Variants in RREB1 observed in about 807,000 individuals in gnomAD.
RREB1 encodes ras-responsive element-binding protein 1.
RREB1 carries 27 observed loss-of-function variants against 117.8 expected under a neutral mutation model. The ratio of observed to expected loss-of-function variants is 0.23; its 90% CI spans 0.17 to 0.32. The LOEUF (loss-of-function observed/expected upper bound fraction) is 0.32. RREB1 is among the 10% of genes least tolerant of loss of function. The probability of loss-of-function intolerance (pLI) is 1.00; values close to 1 mark genes in which losing one functional copy is unlikely to be tolerated. For missense variants in RREB1, 2,577 were observed against 2,378.2 expected, an observed-to-expected ratio of 1.08 and a Z score of -1.74; for synonymous variants, 1,298 against 1,026.7, an observed-to-expected ratio of 1.26 and a Z score of -5.05.
chr6:7,167,451 T>C (rs1186616973), intron 1 of RREB1, among the ~76,000 whole-genome samples: 1 of 151,562 alleles, frequency 6.6e-6, no homozygotes, highest in Non-Finnish European at 1.5e-5. Context: ...CCTCCTGGGT[T>C]CAAGCAATTC....
intron 1 of RREB1, among the ~76,000 whole-genome samples, chr6:7,119,624 G>A (rs1761577826): frequency 6.6e-6 from 1 of 152,188 alleles, no homozygotes; most frequent in Non-Finnish European, 1.5e-5. Flanking sequence ...GTGTTTGGAG[G>A]AAGACAAGAC....
intron 1 of RREB1, among the ~76,000 whole-genome samples, chr6:7,154,458 T>G (rs1454266588): frequency 6.6e-6 from 1 of 152,212 alleles, no homozygotes; most frequent in Non-Finnish European, 1.5e-5. Context: ...AATAGACACT[T>G]GCTAATGTGA....
rs575136900 is a variant in RREB1, at chr6:7,142,893, A to G, written c.-284-33762A>G. 3.3e-5 allele frequency among the ~76,000 whole-genome samples: 5 copies of G among 152,278 alleles called. No homozygotes were observed. The East Asian group carries it at 9.6e-4, about 29-fold the overall frequency. ...GGGGGATAACTTTTCTCTTCTACAC[A>G]TGCTGGGACCCCTCTCCAGGAGGTT... On this transcript the variant is annotated intron_variant, in intron 1 of 12. Transcript: ENST00000379938.
chr6:7,165,469 C>G (rs1763886692), intron 1 of RREB1, among the ~76,000 whole-genome samples: 1 of 152,172 alleles, frequency 6.6e-6, no homozygotes, highest in African/African-American at 2.4e-5. Flanking sequence ...TTGAAGAATT[C>G]TGAGAAGCAG....
chr6:7,237,956 C>G (rs929138368), intron 10 of RREB1, among the ~76,000 whole-genome samples: 3 of 152,166 alleles, frequency 2.0e-5, no homozygotes, highest in African/African-American at 7.2e-5. Context: ...GCCTGGCAGT[C>G]CTAACCAACT....
intron 1 of RREB1, among the ~76,000 whole-genome samples, chr6:7,175,747 A>C (rs943994685): frequency 1.2e-4 from 19 of 152,204 alleles, no homozygotes; most frequent in African/African-American, 4.6e-4. Flanking sequence ...AGACTTGCTC[A>C]AACTTTTGAA....
intron 6 of RREB1, among the ~76,000 whole-genome samples, chr6:7,205,996 A>G (rs1218593387): frequency 6.6e-6 from 1 of 152,230 alleles, no homozygotes; most frequent in Non-Finnish European, 1.5e-5. Context: ...TCACTGTAAA[A>G]GCCTCTTTGG....
rs145731424 is a variant in RREB1 at position 7,231,467 on chromosome 6, C to T, written c.3368C>T (p.Pro1123Leu). Residue 1123 changes from proline (P) to leucine (L), a missense_variant, in exon 10 of 13, where the codon CCA (proline) becomes CTA (leucine). By Grantham distance (98) the Pro-to-Leu change is moderately conservative. Coordinates refer to ENST00000379938, the MANE Select transcript of RREB1 (RefSeq NM_001003699.4). ...TTATPAATTS[P>L]KESSEPPAPA... ...GCCACCCCCGCTGCCACCACCAGCCCAAAAGAGTCTAGTGAGCCTCCCGCT... is the reference window on the plus strand; with the variant it reads ...GCCACCCCCGCTGCCACCACCAGCCTAAAAGAGTCTAGTGAGCCTCCCGCT... 1.2e-5 allele frequency: 19 copies of T among 1,612,800 alleles called. No homozygotes were observed. The highest frequency in any genetic ancestry group is 1.7e-5 in the Admixed American group (1 of 59,908).
chr6:7,165,088 G>C (rs560400503), intron 1 of RREB1, among the ~76,000 whole-genome samples: 60 of 152,374 alleles, frequency 3.9e-4, no homozygotes, highest in Admixed American at 9.1e-4. Flanking sequence ...CTCACACACA[G>C]AGGCACAAGG....
chr6:7,125,991 G>C (rs1285876), intron 1 of RREB1, among the ~76,000 whole-genome samples: 1 of 147,820 alleles, frequency 6.8e-6, no homozygotes, highest in East Asian at 2.1e-4. Context: ...ACTGTTTTTT[G>C]TTTGTTTGTT....
intron 8 of RREB1, chr6:7,216,753 T>G (rs1342149099): frequency 6.6e-6 from 1 of 152,274 alleles, no homozygotes; most frequent in Admixed American, 6.5e-5. Flanking sequence ...AGTCTGAGGC[T>G]TGGGCAGGCA....
chr6:7,195,775 C>T (rs1022054279), intron 6 of RREB1, among the ~76,000 whole-genome samples: 5 of 152,160 alleles, frequency 3.3e-5, no homozygotes, highest in African/African-American at 1.2e-4. Flanking sequence ...CCTCAGCTTC[C>T]CAGGACACCC....
chr6:7,153,549 T>C (rs1763226179), intron 1 of RREB1, among the ~76,000 whole-genome samples: 1 of 152,182 alleles, frequency 6.6e-6, no homozygotes, highest in Admixed American at 6.5e-5. Context: ...TAAATAATTT[T>C]TTTAGTTAGT....
intron 8 of RREB1, chr6:7,215,749 T>G (rs1457420494): frequency 6.6e-6 from 1 of 152,060 alleles, no homozygotes; most frequent in East Asian, 1.9e-4. Flanking sequence ...AATAGAAAAA[T>G]GGTGAGTGAT....
At chr6:7,111,167 A>G (rs1393862898) in intron 1 of RREB1, among the ~76,000 whole-genome samples, 3 of 152,248 alleles carry the variant, frequency 2.0e-5, no homozygotes, top group African/African-American at 4.8e-5. Flanking sequence ...TTTATTGGTT[A>G]CCTGCTGTGT....
chr6:7,190,280 G>T (rs1765333955), intron 6 of RREB1, among the ~76,000 whole-genome samples: 1 of 151,154 alleles, frequency 6.6e-6, no homozygotes, highest in Non-Finnish European at 1.5e-5. Context: ...TTTAAAATGA[G>T]ATTTTTTTTG....
At chr6:7,146,849 A>C (rs961294286) in intron 1 of RREB1, among the ~76,000 whole-genome samples, 2 of 151,640 alleles carry the variant, frequency 1.3e-5, no homozygotes, top group Admixed American at 1.3e-4. Flanking sequence ...CACTGGTTGG[A>C]AGATGTTTCT....
intron 11 of RREB1, among the ~76,000 whole-genome samples, chr6:7,243,786 T>C (rs1251934770): frequency 6.6e-6 from 1 of 152,222 alleles, no homozygotes; most frequent in Non-Finnish European, 1.5e-5. Context: ...AGGAACAATT[T>C]GATCTTATAT....
At chr6:7,122,074 T>A (rs945797155) in intron 1 of RREB1, among the ~76,000 whole-genome samples, 2 of 152,206 alleles carry the variant, frequency 1.3e-5, no homozygotes, top group African/African-American at 4.8e-5. Context: ...GAAAGTCTTA[T>A]TGGGCTCCCA....
Sources: allele counts gnomAD v4.1 joint callset (sites outside exome capture counted in the v4.1 genomes callset), GRCh38; gene constraint gnomAD v4.1.1; transcripts MANE v1.5; gene names NCBI Gene and HGNC (gene_info 2026-07-23, HGNC 2026-07-21).